The following RNF135 variants were observed in gnomAD, a reference collection of about 807,000 sequenced individuals.
RNF135 encodes the protein ring finger protein 135.
In RNF135, 46 loss-of-function variants were observed where a neutral mutation model predicts 41.9. The ratio of observed to expected loss-of-function variants is 1.10; its 90% CI spans 0.87 to 1.40. RNF135 has a LOEUF of 1.40. Ranked by LOEUF, RNF135 falls within the 40% of genes most tolerant of loss-of-function variation. RNF135 has a pLI of 0.00. For missense variants in RNF135, 539 were observed against 549.8 expected (o/e 0.98, Z 0.20); for synonymous variants, 238 against 223.8 (o/e 1.06, Z -0.57).
chr17:30,992,230 G>A (rs1001895411), intron 3 of RNF135, among the ~76,000 whole-genome samples: 3 of 151,846 alleles, frequency 2.0e-5, no homozygotes, highest in African/African-American at 4.8e-5. Flanking sequence ...CACTGCGCTC[G>A]GCCTTTACAT....
intron 3 of RNF135, among the ~76,000 whole-genome samples, chr17:30,995,329 A>C (rs8077397): frequency 1.3e-5 from 2 of 151,978 alleles, no homozygotes; most frequent in African/African-American, 4.8e-5. Context: ...TGGAGCTTGC[A>C]GTGAGCTGAG....
the RNF135 span, among the ~76,000 whole-genome samples, chr17:30,960,121 C>T: frequency 2.0e-5 from 3 of 151,970 alleles, no homozygotes; most frequent in Admixed American, 6.6e-5. Flanking sequence ...TGGCCGGGCA[C>T]GGTGGCTCAC....
chr17:30,982,036 C>T (rs1907188767), intron 1 of RNF135, among the ~76,000 whole-genome samples: 1 of 152,188 alleles, frequency 6.6e-6, no homozygotes, highest in African/African-American at 2.4e-5. Flanking sequence ...CCTTGTTAAC[C>T]ACTATCTGGC....
At chr17:30,977,548 A>G (rs1325171578) in intron 1 of RNF135, among the ~76,000 whole-genome samples, 2 of 151,924 alleles carry the variant, frequency 1.3e-5, no homozygotes, top group African/African-American at 2.4e-5. Context: ...TAATTTTTGT[A>G]TTTTTAGTAG....
At chr17:30,995,331 T>C (rs1598103006) in intron 3 of RNF135, among the ~76,000 whole-genome samples, 1 of 151,330 alleles carries the variant, frequency 6.6e-6, no homozygotes, top group African/African-American at 2.4e-5. Context: ...GAGCTTGCAG[T>C]GAGCTGAGAT....
chr17:30,986,495 G>A (rs1384045600), intron 2 of RNF135, among the ~76,000 whole-genome samples: 2 of 152,148 alleles, frequency 1.3e-5, no homozygotes, highest in Non-Finnish European at 2.9e-5. Flanking sequence ...TTGCCTGGCT[G>A]ATGCTTTTGT....
At chr17:30,962,475 G>GTT in the RNF135 span, among the ~76,000 whole-genome samples, 2 of 147,334 alleles carry the variant, frequency 1.4e-5, no homozygotes, top group Admixed American at 6.8e-5. Flanking sequence ...TTACATTTTT[G>GTT]TTTTTTTTGA....
intron 3 of RNF135, among the ~76,000 whole-genome samples, chr17:30,992,258 A>T (rs369004562): frequency 5.8e-4 from 88 of 152,050 alleles, no homozygotes; most frequent in African/African-American, 2.0e-3. Flanking sequence ...TATAGAGATG[A>T]AATCTCACTG....
At chr17:30,968,514 T>G (rs1905650183), upstream of RNF135, among the ~76,000 whole-genome samples, 1 of 151,268 alleles carries the variant, frequency 6.6e-6, no homozygotes. Context: ...GCCTCCTGAG[T>G]AGCTGGGACT....
chr17:30,969,016 T>TC (rs1365035845), upstream of RNF135: 2 of 152,292 alleles, frequency 1.3e-5, no homozygotes, highest in African/African-American at 4.8e-5. Flanking sequence ...TCCTCCCACC[T>TC]CAGTCTCCTG....
Position 30,971,154 on chromosome 17 carries a change from G to A in RNF135, c.81G>A (p.Leu27=). 6.5e-7 allele frequency: 1 copy of A among 1,533,254 alleles called. No individual in the cohort carries two copies. Among genetic ancestry groups the A allele is most frequent in the East Asian group, 2.5e-5 (1 of 40,780 alleles). 95.0% of individuals were successfully genotyped at this position (1,533,254 alleles called of 1,614,324 possible). ...TCGGCTGCATCATCTGCCAGGGGCT[G>A]CTGGACTGGCCCGCCACGCTGCCCT... ...DDLGCIICQG[L]LDWPATLPCG... Residue 27 remains leucine (L), a synonymous_variant, in exon 1 of 5, where the codon CTG becomes CTA. Coordinates refer to ENST00000328381, the MANE Select transcript of RNF135 (RefSeq NM_032322.4).
chr17:30,982,763 T>C (rs1168747585), intron 1 of RNF135, among the ~76,000 whole-genome samples: 1 of 152,232 alleles, frequency 6.6e-6, no homozygotes. Context: ...GTATACAGTT[T>C]GGTGATATGA....
chr17:30,999,690 C>T lies in RNF135; in HGVS notation c.*499C>T, dbSNP rs558512393. Reference sequence around the variant, plus strand: ...AATGTGATCAATCCCTAGTAAAAGCCCTGGACACCTAGGCATGGGTGAGCT... The same window carrying T: ...AATGTGATCAATCCCTAGTAAAAGCTCTGGACACCTAGGCATGGGTGAGCT... On this transcript the variant is annotated 3_prime_UTR_variant, in exon 5 of 5. Coordinates refer to ENST00000328381, the MANE Select transcript of RNF135 (RefSeq NM_032322.4). 3.7e-4 allele frequency: 64 copies of T among 172,544 alleles called. No individual in the cohort carries two copies. The highest frequency in any genetic ancestry group is 1.3e-3 in the African/African-American group (56 of 42,112). The allele number at this position is 172,544 out of a possible 1,614,324, so 10.7% of individuals were successfully genotyped here. A position where few individuals can be genotyped will look rare whatever the true frequency, so the allele number is the denominator to read the frequency against.
chr17:30,983,353 A>ATATTT (rs1420453160), intron 1 of RNF135, among the ~76,000 whole-genome samples: 1 of 35,744 alleles, frequency 2.8e-5, no homozygotes, highest in Non-Finnish European at 5.4e-5. Context: ...ATATATATAT[A>ATATTT]TTTTTTTTTT....
In RNF135 at chr17:30,971,108, T is replaced by G. The variant is rs777516859; in HGVS notation, c.35T>G (p.Val12Gly). 1.6e-5 allele frequency: 24 copies of G among 1,534,252 alleles called. No homozygotes were observed. The highest frequency in any genetic ancestry group is 3.4e-4 in the Middle Eastern group (2 of 5,876). Reference sequence around the variant, plus strand: ...CTGGGCCTGGGCTCCGCCGTTCCCGTGTGGCTGGCCGAGGACGACCTCGGC... The same window carrying G: ...CTGGGCCTGGGCTCCGCCGTTCCCGGGTGGCTGGCCGAGGACGACCTCGGC... ...AGLGLGSAVP[V>G]WLAEDDLGCI... Residue 12 changes from valine (V) to glycine (G), a missense_variant, in exon 1 of 5, where the codon GTG (valine) becomes GGG (glycine). Around this residue, in one of 2 missense-constraint regions of RNF135, gnomAD observed 277 missense variants for 212.8 expected, o/e 1.30. Coordinates refer to ENST00000328381, the MANE Select transcript of RNF135 (RefSeq NM_032322.4).
At chr17:30,968,592 G>A (rs1286383850), upstream of RNF135, among the ~76,000 whole-genome samples, 4 of 151,626 alleles carry the variant, frequency 2.6e-5, no homozygotes, top group Admixed American at 6.6e-5. Context: ...GTTTCACCGT[G>A]TTAGCCAGAA....
At chr17:30,997,423 A>T in intron 4 of RNF135, 92 bp downstream of exon 4, 1 of 1,085,712 alleles carries the variant, frequency 9.2e-7, no homozygotes, top group Non-Finnish European at 1.4e-6. Flanking sequence ...TGCTAGGGCC[A>T]CTCCTTGGCT....
At chr17:30,965,323 A>G in the RNF135 span, 1 of 152,282 alleles carries the variant, frequency 6.6e-6, no homozygotes, top group African/African-American at 2.4e-5. Context: ...CCTGGGCAAC[A>G]AAGACCCTGT....
At position 30,987,815 on chromosome 17, in the gene RNF135, A is replaced by G. The variant is rs955339312; in HGVS notation, c.517-129A>G. Reference sequence around the variant, plus strand: ...TTCAAGGCATATTTTTTGAGGGCCTAATTTTGTTTTTAAAAACTTGCTGGG... The same window carrying G: ...TTCAAGGCATATTTTTTGAGGGCCTGATTTTGTTTTTAAAAACTTGCTGGG... On this transcript the variant is annotated intron_variant, in intron 2 of 4. Coordinates refer to ENST00000328381, the MANE Select transcript of RNF135 (RefSeq NM_032322.4). 3.5e-6 allele frequency: 3 copies of G among 864,718 alleles called. No individual in the cohort carries two copies. The African/African-American group carries it at 5.2e-5, about 15-fold the overall frequency. The allele number at this position is 864,718 out of a possible 1,614,324, so 53.6% of individuals were successfully genotyped here. A position where few individuals can be genotyped will look rare whatever the true frequency, so the allele number is the denominator to read the frequency against.
Sources: allele counts gnomAD v4.1 joint callset (sites outside exome capture counted in the v4.1 genomes callset), GRCh38; gene constraint gnomAD v4.1.1; regional missense constraint gnomAD v4.1.1; transcripts MANE v1.5; gene names NCBI Gene and HGNC (gene_info 2026-07-23, HGNC 2026-07-21).